The following LGMN variants were observed in gnomAD, a reference collection of about 807,000 sequenced individuals.
LGMN encodes the protein asparaginyl endopeptidase.
In LGMN, 36 loss-of-function variants were observed where a neutral mutation model predicts 56.8. The ratio of observed to expected loss-of-function variants is 0.63; its 90% CI spans 0.49 to 0.84. LGMN has a LOEUF of 0.84. LGMN is among the 40% of genes least tolerant of loss of function. LGMN has a pLI of 0.00. For synonymous variants in LGMN, 199 were observed against 210.1 expected (o/e 0.95, Z 0.46); for missense variants, 446 against 556.1 (o/e 0.80, Z 1.99).
At chr14:92,704,386 T>C in intron 13 of LGMN, 25 bp from the exon 14 acceptor site, 1 of 1,570,788 alleles carries the variant, frequency 6.4e-7, no homozygotes, top group Non-Finnish European at 8.7e-7. Context: ...AAGGAGAACT[T>C]GGTGAACCGT....
rs1163741250 is a variant in LGMN at position 92,718,729 on chromosome 14, C to T, written c.236+18G>A. Reference sequence around the variant, plus strand: ...CCTGAAGTCCTTCCCCACCAAGTTCCAAGTGTTCCCCACTTACTCTTCAGA... The same window carrying T: ...CCTGAAGTCCTTCCCCACCAAGTTCTAAGTGTTCCCCACTTACTCTTCAGA... On this transcript the variant is annotated intron_variant, in intron 3 of 13. Transcript: ENST00000334869. 1 of 1,556,648 alleles carries T rather than the reference C, an allele frequency of 6.4e-7. No homozygotes were observed. Among genetic ancestry groups the T allele is most frequent in the Non-Finnish European group, 8.9e-7 (1 of 1,128,972 alleles).
At chr14:92,718,921 T>G in intron 2 of LGMN, 77 bp from the exon 3 acceptor site, 5 of 905,694 alleles carry the variant, frequency 5.5e-6, no homozygotes, top group Admixed American at 1.8e-5. Context: ...TGATGTGTTC[T>G]GTCTCCTGGA....
Position 92,732,689 on chromosome 14 carries a change from A to G in LGMN, c.98T>C (p.Ile33Thr). 6.2e-7 allele frequency: 1 copy of G among 1,614,164 alleles called. No homozygotes were observed. Among genetic ancestry groups the G allele is most frequent in the South Asian group, 1.1e-5 (1 of 91,084 alleles). ...ATACCAGCCATTTGAACCTGCCACG[A>G]TCACCACCCAGTGCTTGCCTCCATC... The part of the protein sequence containing the change: ...PEDGGKHWVV[I>T]VAGSNGWYNY... The change falls in exon 2 of 14, where the codon ATC (isoleucine) becomes ACC (threonine). Residue 33 changes from isoleucine (I) to threonine (T), a missense_variant. Transcript: ENST00000334869.
chr14:92,710,561 C>T (rs1436744325), intron 10 of LGMN, among the ~76,000 whole-genome samples: 1 of 152,206 alleles, frequency 6.6e-6, no homozygotes, highest in Non-Finnish European at 1.5e-5. Flanking sequence ...ATGCTGCAAG[C>T]GTTCTCTTCC....
chr14:92,740,111 G>A (rs1441160281), intron 1 of LGMN, among the ~76,000 whole-genome samples: 1 of 152,230 alleles, frequency 6.6e-6, no homozygotes, highest in Non-Finnish European at 1.5e-5. Context: ...AGCTGGGCGT[G>A]GTTGTACATG....
intron 1 of LGMN, among the ~76,000 whole-genome samples, chr14:92,736,814 C>T (rs531999731): frequency 1.7e-3 from 259 of 152,218 alleles, no homozygotes; most frequent in African/African-American, 6.0e-3. Flanking sequence ...CATGGAGTCA[C>T]TCTGGTTCAA....
At chr14:92,736,917 C>T (rs1334134158) in intron 1 of LGMN, among the ~76,000 whole-genome samples, 2 of 152,134 alleles carry the variant, frequency 1.3e-5, no homozygotes, top group Admixed American at 6.6e-5. Flanking sequence ...GAGAGAGAGT[C>T]AAGGAGCAAA....
intron 2 of LGMN, among the ~76,000 whole-genome samples, chr14:92,723,434 T>C (rs759988838): frequency 3.9e-5 from 6 of 152,170 alleles, no homozygotes; most frequent in Non-Finnish European, 8.8e-5. Context: ...AGCAGCATTG[T>C]TCATAATAAC....
At chr14:92,742,268 A>G (rs1254572029) in intron 1 of LGMN, among the ~76,000 whole-genome samples, 1 of 150,990 alleles carries the variant, frequency 6.6e-6, no homozygotes, top group East Asian at 1.9e-4. Context: ...GCTAAAAGAA[A>G]ATGTCTTGCT....
In LGMN at chr14:92,714,544, T is replaced by C; in HGVS notation, c.405-93A>G. ...TGCCCTAATCAAAAAATTAAGAAGT[T>C]TGGGGAGTAGAGTTGCCCAACCAGG... On this transcript the variant is annotated intron_variant, in intron 5 of 13. Coordinates refer to ENST00000334869, the MANE Select transcript of LGMN (RefSeq NM_005606.7). This position sits in a 1 kb window ranked among gnomAD's most constrained non-coding sequence, Gnocchi z 5.1. 2.1e-6 allele frequency: 2 copies of C among 955,116 alleles called. No individual in the cohort carries two copies. The highest frequency in any genetic ancestry group is 3.2e-6 in the Non-Finnish European group (2 of 622,652). 59.2% of individuals were successfully genotyped at this position (955,116 alleles called of 1,614,324 possible).
chr14:92,746,528 C>G (rs1891827596), intron 1 of LGMN, among the ~76,000 whole-genome samples: 4 of 152,234 alleles, frequency 2.6e-5, no homozygotes, highest in Admixed American at 2.6e-4. Context: ...CCCACTGCAA[C>G]TGTCTTTAAA....
chr14:92,718,921 T>TGA, intron 2 of LGMN, 77 bp from the exon 3 acceptor site: 3 of 905,694 alleles, frequency 3.3e-6, no homozygotes, highest in Non-Finnish European at 5.4e-6. Flanking sequence ...TGATGTGTTC[T>TGA]GTCTCCTGGA....
At position 92,704,711 on chromosome 14, in the gene LGMN, G is replaced by C. The variant is rs1889338199; in HGVS notation, c.1192-4C>G. On this transcript the variant is annotated splice_region_variant and splice_polypyrimidine_tract_variant and intron_variant, in intron 12 of 13. Transcript: ENST00000334869. ...AATGTCTCAACGCATACTCGTACTG[G>C]GAGAAAACAAACGAGAAGAATGAAA... is the stretch of plus-strand genomic sequence containing the variant. The C allele has an allele frequency of 6.2e-7, 1 of 1,611,348 alleles. No homozygotes were observed. The highest frequency in any genetic ancestry group is 8.5e-7 in the Non-Finnish European group (1 of 1,177,466).
At chr14:92,744,807 T>A (rs1241506043) in intron 1 of LGMN, among the ~76,000 whole-genome samples, 1 of 152,118 alleles carries the variant, frequency 6.6e-6, no homozygotes, top group Non-Finnish European at 1.5e-5. Context: ...ATGTTGAGGC[T>A]GGTCTTGAAC....
rs1238900668 is a variant in LGMN at position 92,706,473 on chromosome 14, G to A, written c.1191+10C>T. 3.3e-6 allele frequency: 5 copies of A among 1,512,534 alleles called. No homozygotes were observed. Among genetic ancestry groups the A allele is most frequent in the Non-Finnish European group, 4.5e-6 (5 of 1,116,542 alleles). 93.7% of individuals were successfully genotyped at this position (1,512,534 alleles called of 1,614,324 possible). A position where few individuals can be genotyped will look rare whatever the true frequency, so the allele number is the denominator to read the frequency against. ...TGGATTCTGGTCATGGGGAGAGCCT[G>A]CTGGCTCACCGTGGGGGAGTGCCAG... On this transcript the variant is annotated intron_variant, in intron 12 of 13. Coordinates refer to ENST00000334869, the MANE Select transcript of LGMN (RefSeq NM_005606.7).
intron 2 of LGMN, among the ~76,000 whole-genome samples, chr14:92,728,301 G>C (rs1456913928): frequency 6.6e-6 from 1 of 152,188 alleles, no homozygotes; most frequent in East Asian, 1.9e-4. Flanking sequence ...CATATACGCA[G>C]ATCACGATAG....
At chr14:92,725,737 GGCTA>G (rs1890710056) in intron 2 of LGMN, among the ~76,000 whole-genome samples, 1 of 151,426 alleles carries the variant, frequency 6.6e-6, no homozygotes, top group South Asian at 2.1e-4. Context: ...CACCATGCCC[GGCTA>G]ATTTTTGTAT....
intron 4 of LGMN, among the ~76,000 whole-genome samples, chr14:92,716,586 T>C (rs1266216566): frequency 6.6e-6 from 1 of 152,160 alleles, no homozygotes; most frequent in African/African-American, 2.4e-5. Flanking sequence ...TGAGCCAAGA[T>C]TGTGCCACTG....
At chr14:92,712,682 C>G in intron 8 of LGMN, 123 bp downstream of exon 8, 1 of 826,224 alleles carries the variant, frequency 1.2e-6, no homozygotes, top group South Asian at 1.5e-5. Context: ...AGTATCTCCC[C>G]ACTTCTATGG....
Sources: gnomAD v4.1 joint callset for allele counts (sites outside exome capture counted in the v4.1 genomes callset) on GRCh38, gnomAD v4.1.1 for gene constraint, Gnocchi (gnomAD v3.1) non-coding constraint, MANE v1.5 for transcripts, NCBI Gene and HGNC (gene_info 2026-07-23, HGNC 2026-07-21) for gene names.